The following KCTD16 variants were observed in gnomAD, a reference collection of about 807,000 sequenced individuals.
The protein encoded by KCTD16 is potassium channel tetramerization domain containing 16, also known as BTB/POZ domain-containing protein KCTD16.
KCTD16 carries 13 observed loss-of-function variants against 33.2 expected under a neutral mutation model. That is an observed-to-expected ratio of 0.39 (90% CI 0.25 to 0.62). The LOEUF (loss-of-function observed/expected upper bound fraction) is 0.62. Ranked by LOEUF, KCTD16 falls within the 20% of genes least tolerant of loss-of-function variation. The pLI, the probability that KCTD16 is intolerant of heterozygous loss-of-function variation, is 0.50. For synonymous variants in KCTD16, 197 were observed against 195.3 expected (o/e 1.01, Z -0.07); for missense variants, 441 against 525.1 (o/e 0.84, Z 1.57).
chr5:144,318,666 G>A (rs116651408), intron 3 of KCTD16, among the ~76,000 whole-genome samples: 2,304 of 152,230 alleles, frequency 0.015, 36 homozygotes, highest in Middle Eastern at 0.034. Flanking sequence ...GGCCCTGCCT[G>A]ACCGCTAGAA....
chr5:144,278,485 CT>C (rs1220359408), intron 3 of KCTD16, among the ~76,000 whole-genome samples: 249 of 89,970 alleles, frequency 2.8e-3, no homozygotes, highest in Middle Eastern at 0.01. Context: ...TGTTAGTCTT[CT>C]TTTTTTTTTT....
At chr5:144,236,713 C>A (rs1754264427) in intron 3 of KCTD16, among the ~76,000 whole-genome samples, 1 of 152,064 alleles carries the variant, frequency 6.6e-6, no homozygotes, top group South Asian at 2.1e-4. Context: ...AAAGGAAGAT[C>A]TATGCAAATG....
At chr5:144,230,595 GTT>G (rs375204677) in intron 3 of KCTD16, among the ~76,000 whole-genome samples, 6 of 147,768 alleles carry the variant, frequency 4.1e-5, no homozygotes, top group African/African-American at 1.5e-4. Context: ...AATAGGAAAA[GTT>G]TTTTTTTTTC....
chr5:144,245,303 T>C (rs1754518755), intron 3 of KCTD16, among the ~76,000 whole-genome samples: 1 of 152,110 alleles, frequency 6.6e-6, no homozygotes, highest in Non-Finnish European at 1.5e-5. Flanking sequence ...ACTATTTTAA[T>C]ATAAGAGTGT....
intron 3 of KCTD16, among the ~76,000 whole-genome samples, chr5:144,296,362 G>A (rs1309714358): frequency 2.0e-5 from 3 of 152,312 alleles, no homozygotes; most frequent in South Asian, 4.2e-4. Flanking sequence ...GAAAGATTAT[G>A]TAAGAAATGG....
intron 3 of KCTD16, among the ~76,000 whole-genome samples, chr5:144,417,732 G>C (rs1029736407): frequency 6.6e-6 from 1 of 152,076 alleles, no homozygotes; most frequent in Non-Finnish European, 1.5e-5. Context: ...ATGGTTTTAG[G>C]TCTCCTATGT....
intron 3 of KCTD16, among the ~76,000 whole-genome samples, chr5:144,252,081 A>C (rs991970937): frequency 2.5e-4 from 38 of 152,308 alleles, no homozygotes; most frequent in African/African-American, 7.7e-4. Context: ...TCATTGCTTC[A>C]CATAGTTATT....
intron 3 of KCTD16, among the ~76,000 whole-genome samples, chr5:144,225,521 C>T (rs1753902883): frequency 6.6e-6 from 1 of 151,728 alleles, no homozygotes; most frequent in African/African-American, 2.4e-5. Context: ...TTTTCTTCCT[C>T]TGCTCCACCA....
At chr5:144,425,832 A>T (rs1285760752) in intron 3 of KCTD16, among the ~76,000 whole-genome samples, 1 of 151,946 alleles carries the variant, frequency 6.6e-6, no homozygotes, top group East Asian at 2.0e-4. Flanking sequence ...AGAGCTCTGG[A>T]CCTGTTATGT....
intron 3 of KCTD16, among the ~76,000 whole-genome samples, chr5:144,396,561 C>T (rs533299582): frequency 1.3e-5 from 2 of 152,234 alleles, no homozygotes; most frequent in East Asian, 3.9e-4. Flanking sequence ...ATTTTTCCTA[C>T]TTAGATGATA....
At chr5:144,408,698 T>C (rs1262778469) in intron 3 of KCTD16, among the ~76,000 whole-genome samples, 1 of 152,164 alleles carries the variant, frequency 6.6e-6, no homozygotes, top group African/African-American at 2.4e-5. Context: ...CCACATATGT[T>C]ACCTTGGCCT....
chr5:144,264,928 C>G (rs910143633), intron 3 of KCTD16, among the ~76,000 whole-genome samples: 4 of 152,186 alleles, frequency 2.6e-5, no homozygotes, highest in African/African-American at 4.8e-5. Context: ...AAACTCCATA[C>G]AATTTCAATC....
rs547298382 is a variant in KCTD16, at chr5:144,454,718, A to G, written c.833-18942A>G. ...CCTCTCTTCTTTACCCTATGGGTATAGAGTACTTTTTACCAGGAGGGTTTT... is the reference window on the plus strand; with the variant it reads ...CCTCTCTTCTTTACCCTATGGGTATGGAGTACTTTTTACCAGGAGGGTTTT... On this transcript the variant is annotated intron_variant, in intron 3 of 3. Transcript: ENST00000512467. 4.6e-5 allele frequency among the ~76,000 whole-genome samples: 7 copies of G among 152,258 alleles called. No homozygotes were observed. The South Asian group carries it at 1.5e-3, about 32-fold the overall frequency.
intron 3 of KCTD16, among the ~76,000 whole-genome samples, chr5:144,253,777 C>G (rs1053750621): frequency 6.6e-6 from 1 of 152,060 alleles, no homozygotes; most frequent in Non-Finnish European, 1.5e-5. Context: ...ATTGAAGGTA[C>G]TTAACCCTGA....
chr5:144,397,717 C>T (rs1312170310), intron 3 of KCTD16, among the ~76,000 whole-genome samples: 1 of 152,092 alleles, frequency 6.6e-6, no homozygotes, highest in East Asian at 1.9e-4. Flanking sequence ...CAAAAAAGAG[C>T]CCGCATTGCC....
intron 3 of KCTD16, among the ~76,000 whole-genome samples, chr5:144,335,999 T>G (rs1279439171): frequency 1.3e-5 from 2 of 152,222 alleles, no homozygotes; most frequent in Non-Finnish European, 2.9e-5. Flanking sequence ...CTTGTGCTTT[T>G]TGATAGGACT....
chr5:144,477,002 G>A lies in KCTD16; in HGVS notation c.*2888G>A, dbSNP rs1306976680. ...ATGAATGGGGAATCACATGTGTAGA[G>A]CCCCAACTTAGATTGCCTTCTGGGA... On this transcript the variant is annotated 3_prime_UTR_variant, in exon 4 of 4. Coordinates refer to ENST00000512467, the MANE Select transcript of KCTD16 (RefSeq NM_020768.4). 1 of 151,580 alleles carries A rather than the reference G, an allele frequency of 6.6e-6. No homozygotes were observed. The highest frequency in any genetic ancestry group is 1.5e-5 in the Non-Finnish European group (1 of 67,840). The allele number at this position is 151,580 out of a possible 1,614,324, so 9.4% of individuals were successfully genotyped here. A position where few individuals can be genotyped will look rare whatever the true frequency, so the allele number is the denominator to read the frequency against.
intron 2 of KCTD16, chr5:144,205,768 A>G (rs1296255321): frequency 2.5e-6 from 1 of 393,408 alleles, no homozygotes; most frequent in African/African-American, 2.1e-5. Context: ...TCAGGGCTTA[A>G]CTTTTTTTGC....
intron 3 of KCTD16, among the ~76,000 whole-genome samples, chr5:144,358,695 G>A (rs1031486090): frequency 2.2e-4 from 34 of 152,170 alleles, no homozygotes; most frequent in Non-Finnish European, 3.8e-4. Flanking sequence ...CAGTTTGGGA[G>A]GATGGGAAGT....
Sources: gnomAD v4.1 joint callset for allele counts (sites outside exome capture counted in the v4.1 genomes callset) on GRCh38, gnomAD v4.1.1 for gene constraint, MANE v1.5 for transcripts, NCBI Gene and HGNC (gene_info 2026-07-23, HGNC 2026-07-21) for gene names.